OC90: variants seen among roughly 807,000 people sequenced by gnomAD.
OC90 encodes the protein otoconin-90.
In OC90, 46 loss-of-function variants were observed where a neutral mutation model predicts 47.3. The ratio of observed to expected loss-of-function variants is 0.97; its 90% CI spans 0.77 to 1.24. The LOEUF (loss-of-function observed/expected upper bound fraction) is 1.24, where lower values mean the gene tolerates loss of function less well. OC90 is among the 50% of genes most tolerant of loss of function. The probability of loss-of-function intolerance (pLI) is 0.00; values close to 1 mark genes in which losing one functional copy is unlikely to be tolerated. For missense variants in OC90, 688 were observed against 583.9 expected (o/e 1.18, Z -1.84); for synonymous variants, 271 against 219.5 (o/e 1.23, Z -2.07).
chr8:132,025,619 G>A (rs1822745523), intron 13 of OC90, among the ~76,000 whole-genome samples: 1 of 152,186 alleles, frequency 6.6e-6, no homozygotes, highest in Admixed American at 6.5e-5. Context: ...AAAAAGACAG[G>A]AAATAGTAAA....
intron 9 of OC90, chr8:132,036,452 G>T (rs763492523): frequency 1.3e-6 from 1 of 779,890 alleles, no homozygotes; most frequent in Non-Finnish European, 2.4e-6. Context: ...TTAATGATCA[G>T]TTCAGCTAGG....
At chr8:132,034,657 C>T in intron 10 of OC90, 124 bp downstream of exon 10, 1 of 656,190 alleles carries the variant, frequency 1.5e-6, no homozygotes, top group Non-Finnish European at 2.6e-6. Context: ...CTTGCCCCAT[C>T]ACCTCCCATG....
intron 2 of OC90, among the ~76,000 whole-genome samples, chr8:132,052,761 G>A (rs1042112739): frequency 2.0e-5 from 3 of 152,194 alleles, no homozygotes; most frequent in Admixed American, 6.5e-5. Flanking sequence ...AGAAGGTGAT[G>A]AGCACCTGTC....
intron 13 of OC90, among the ~76,000 whole-genome samples, chr8:132,025,333 C>A (rs1822741396): frequency 6.6e-6 from 1 of 152,172 alleles, no homozygotes; most frequent in African/African-American, 2.4e-5. Context: ...TTGTGGGCAA[C>A]TTCCCAATAA....
At chr8:132,042,336 C>T (rs996427164) in intron 4 of OC90, among the ~76,000 whole-genome samples, 3 of 152,076 alleles carry the variant, frequency 2.0e-5, no homozygotes, top group Non-Finnish European at 2.9e-5. Flanking sequence ...GCCTTCACAC[C>T]ACTTGAGATA....
At chr8:132,027,247 G>T (rs1036925438) in intron 13 of OC90, among the ~76,000 whole-genome samples, 1 of 152,192 alleles carries the variant, frequency 6.6e-6, no homozygotes, top group Non-Finnish European at 1.5e-5. Flanking sequence ...GCAATTTGAG[G>T]CAAGGATCAT....
intron 2 of OC90, among the ~76,000 whole-genome samples, chr8:132,052,555 G>A (rs1823226972): frequency 6.6e-6 from 1 of 152,142 alleles, no homozygotes; most frequent in South Asian, 2.1e-4. Flanking sequence ...CTTACTTTCA[G>A]GATATAGACT....
intron 1 of OC90, among the ~76,000 whole-genome samples, chr8:132,057,914 G>A (rs1180383730): frequency 6.6e-6 from 1 of 152,380 alleles, no homozygotes; most frequent in East Asian, 1.9e-4. Flanking sequence ...ACCAGACCCA[G>A]GTGGGCCAGT....
chr8:132,028,606 G>A (rs1822805361), intron 13 of OC90, among the ~76,000 whole-genome samples: 1 of 66,282 alleles, frequency 1.5e-5, no homozygotes, highest in South Asian at 5.8e-4. Flanking sequence ...AAGGAGGGAA[G>A]GAGGGAAGGA....
intron 2 of OC90, 40 bp downstream of exon 2, chr8:132,054,941 A>G: frequency 1.4e-6 from 2 of 1,461,996 alleles, no homozygotes; most frequent in Admixed American, 2.2e-5. Flanking sequence ...AAGTAATTAC[A>G]TGCTAAGCTG....
intron 12 of OC90, 115 bp from the exon 13 acceptor site, chr8:132,029,294 C>A: frequency 2.6e-6 from 2 of 763,396 alleles, no homozygotes; most frequent in South Asian, 1.6e-5. Context: ...CCAGTGCCTC[C>A]TTTCCAGTGC....
chr8:132,045,899 A>G lies in OC90; in HGVS notation c.47-16T>C. The G allele has an allele frequency of 6.8e-7, 1 of 1,478,646 alleles. No homozygotes were observed. Among genetic ancestry groups the G allele is most frequent in the Non-Finnish European group, 9.3e-7 (1 of 1,080,686 alleles). 91.6% of individuals were successfully genotyped at this position (1,478,646 alleles called of 1,614,324 possible). A position where few individuals can be genotyped will look rare whatever the true frequency, so the allele number is the denominator to read the frequency against. On this transcript the variant is annotated splice_polypyrimidine_tract_variant and intron_variant, in intron 2 of 13. Coordinates refer to ENST00000254627, the MANE Select transcript of OC90 (RefSeq NM_001080399.3). ...GGATGGCCTCCTATAAATAAGGAAG[A>G]GAAAGTAGGGTAAGCACAAACACTG...
chr8:132,026,975 C>T (rs1293039431), intron 13 of OC90, among the ~76,000 whole-genome samples: 2 of 152,126 alleles, frequency 1.3e-5, no homozygotes, highest in Admixed American at 1.3e-4. Flanking sequence ...CCCTACACTG[C>T]CCAGCATTCC....
rs146038582 is a variant in OC90 at position 132,052,020 on chromosome 8, G to A, written c.46+2961C>T. Reference sequence around the variant, plus strand: ...GCTGATTGTGGTTTGAAGGTGAAAGGAGGGTGCTTTGCTTTGGGTGTTTGT... The same window carrying A: ...GCTGATTGTGGTTTGAAGGTGAAAGAAGGGTGCTTTGCTTTGGGTGTTTGT... On this transcript the variant is annotated intron_variant, in intron 2 of 13. Coordinates refer to ENST00000254627, the MANE Select transcript of OC90 (RefSeq NM_001080399.3). Among the ~76,000 whole-genome samples the A allele has an allele frequency of 3.7e-3, 555 of 149,552 alleles. 1 individual carries two copies. Among genetic ancestry groups the A allele is most frequent in the Middle Eastern group, 0.017 (5 of 292 alleles).
intron 3 of OC90, 150 bp downstream of exon 3, chr8:132,045,668 A>C: frequency 3.5e-6 from 2 of 577,358 alleles, no homozygotes; most frequent in South Asian, 4.8e-5. Flanking sequence ...ATTGTTGGGG[A>C]GATGCTTTTG....
Position 132,041,063 on chromosome 8 carries a change from G to A in OC90, c.438C>T (p.Val146=), listed in dbSNP as rs368039478. The A allele has an allele frequency of 1.1e-4, 178 of 1,607,158 alleles. No individual in the cohort carries two copies. The highest frequency in any genetic ancestry group is 3.0e-4 in the South Asian group (27 of 90,940). ...PAKLSTEVNC[V]SKKIICESKD... ...GCTTACCACATATGATCTTCTTGCT[G>A]ACACAATTGACCTCTGTGCTAAGTT... is the stretch of plus-strand genomic sequence containing the variant. The change falls in exon 6 of 14, where the codon GTC becomes GTT. Residue 146 remains valine (V), a synonymous_variant. Transcript: ENST00000254627.
At chr8:132,048,896 G>A (rs1235762494) in intron 2 of OC90, among the ~76,000 whole-genome samples, 1 of 151,534 alleles carries the variant, frequency 6.6e-6, no homozygotes, top group Non-Finnish European at 1.5e-5. Context: ...TCTCACCAAA[G>A]GGCCTGCCTG....
At chr8:132,032,150 T>A in intron 11 of OC90, 98 bp from the exon 12 acceptor site, 1 of 1,098,612 alleles carries the variant, frequency 9.1e-7, no homozygotes, top group Admixed American at 2.0e-5. Context: ...TGGACAACTC[T>A]AGTCATGCAA....
chr8:132,045,807 A>G lies in OC90; in HGVS notation c.112+11T>C, dbSNP rs947085776. The G allele has an allele frequency of 3.3e-6, 5 of 1,499,230 alleles. No individual in the cohort carries two copies. The African/African-American group carries it at 4.2e-5, about 13-fold the overall frequency. 92.9% of individuals were successfully genotyped at this position (1,499,230 alleles called of 1,614,324 possible). A position where few individuals can be genotyped will look rare whatever the true frequency, so the allele number is the denominator to read the frequency against. ...TACTCTGCTCCTAAGAAAAGTTCTA[A>G]GAATCCTTACTGATATTGTTTGGGA... is the stretch of plus-strand genomic sequence containing the variant. On this transcript the variant is annotated intron_variant, in intron 3 of 13. Transcript: ENST00000254627.
Sources: allele counts gnomAD v4.1 joint callset (sites outside exome capture counted in the v4.1 genomes callset), GRCh38; gene constraint gnomAD v4.1.1; transcripts MANE v1.5; gene names NCBI Gene and HGNC (gene_info 2026-07-23, HGNC 2026-07-21).